EPHA6: variants seen among roughly 807,000 people sequenced by gnomAD.
The protein encoded by EPHA6 is EPH receptor A6.
EPHA6 carries 50 observed loss-of-function variants against 112.0 expected under a neutral mutation model. The observed-to-expected ratio is 0.45, with a 90% CI of 0.36 to 0.56. The LOEUF (loss-of-function observed/expected upper bound fraction) is 0.56. Ranked by LOEUF, EPHA6 falls within the 20% of genes least tolerant of loss-of-function variation. The pLI, the probability that EPHA6 is intolerant of heterozygous loss-of-function variation, is 0.00. For missense variants in EPHA6, 1,280 were observed against 1,417.4 expected (o/e 0.90, Z 1.56); for synonymous variants, 529 against 490.7 (o/e 1.08, Z -1.03).
chr3:97,483,671 A>G (rs1373064650), intron 9 of EPHA6, among the ~76,000 whole-genome samples: 1 of 152,220 alleles, frequency 6.6e-6, no homozygotes, highest in Non-Finnish European at 1.5e-5. Flanking sequence ...TAAACATTTT[A>G]TAGAAATATG....
chr3:97,427,748 AC>A lies in EPHA6; in HGVS notation c.1732-20819del, dbSNP rs1390111699. On this transcript the variant is annotated intron_variant, in intron 6 of 17. Transcript: ENST00000389672. ...TATGATGCAGCCATTAAAAAAAACAACAAAACCATGTCCTTTGCAGCAACAG... is the reference window on the plus strand; with the variant it reads ...TATGATGCAGCCATTAAAAAAAACAAAAAACCATGTCCTTTGCAGCAACAG... Among the ~76,000 whole-genome samples the A allele has an allele frequency of 2.9e-4, 44 of 152,246 alleles. 1 individual carries two copies.
Position 97,592,594 on chromosome 3 carries a change from A to G in EPHA6, c.2387-18A>G, listed in dbSNP as rs994667367. 7 of 1,612,640 alleles carry G rather than the reference A, an allele frequency of 4.3e-6. No homozygotes were observed. The African/African-American group carries it at 5.3e-5, about 12-fold the overall frequency. ...ATAAAGAAGACTTTGATTAATGTCA[A>G]TTTTTATCTCTTAAAAGGATCCTTC... On this transcript the variant is annotated intron_variant, in intron 11 of 17. Coordinates refer to ENST00000389672, the MANE Select transcript of EPHA6 (RefSeq NM_001080448.3).
chr3:96,841,046 G>A (rs943035148), intron 1 of EPHA6, among the ~76,000 whole-genome samples: 2 of 152,012 alleles, frequency 1.3e-5, no homozygotes, highest in African/African-American at 2.4e-5. Context: ...GATGATGTGT[G>A]CCCAAGGTGG....
chr3:97,218,707 C>T (rs531930013), intron 3 of EPHA6, among the ~76,000 whole-genome samples: 58 of 152,116 alleles, frequency 3.8e-4, no homozygotes, highest in Non-Finnish European at 8.2e-4. Flanking sequence ...CCTGGCCCCA[C>T]CCAAATATCA....
intron 6 of EPHA6, among the ~76,000 whole-genome samples, chr3:97,421,396 A>G (rs1220461441): frequency 6.6e-6 from 1 of 152,176 alleles, no homozygotes; most frequent in African/African-American, 2.4e-5. Flanking sequence ...AGTTAAATTT[A>G]CAATAGCAAC....
intron 4 of EPHA6, among the ~76,000 whole-genome samples, chr3:97,228,854 G>A (rs1384501814): frequency 6.6e-6 from 1 of 152,046 alleles, no homozygotes; most frequent in Admixed American, 6.6e-5. Flanking sequence ...GTAAGTGTTT[G>A]CTTTTCACCA....
At chr3:96,962,446 G>A (rs2041979364) in intron 2 of EPHA6, among the ~76,000 whole-genome samples, 1 of 150,140 alleles carries the variant, frequency 6.7e-6, no homozygotes, top group East Asian at 2.0e-4. Flanking sequence ...GAATAACAAT[G>A]ATGATCTTCA....
chr3:97,677,868 G>A (rs376796452), intron 14 of EPHA6, among the ~76,000 whole-genome samples: 89 of 152,146 alleles, frequency 5.8e-4, no homozygotes, highest in African/African-American at 2.0e-3. Context: ...GAAAAGAAGA[G>A]GAGTTAAAAG....
intron 14 of EPHA6, among the ~76,000 whole-genome samples, chr3:97,662,843 A>T (rs892591763): frequency 2.6e-5 from 4 of 152,198 alleles, no homozygotes; most frequent in African/African-American, 9.6e-5. Context: ...GGCTTTTCAT[A>T]TCTCTTTACC....
At chr3:97,246,538 C>T (rs1474931939) in intron 5 of EPHA6, among the ~76,000 whole-genome samples, 2 of 151,524 alleles carry the variant, frequency 1.3e-5, no homozygotes, top group Non-Finnish European at 1.5e-5. Flanking sequence ...ACTATATATT[C>T]TGGAAGGATA....
At chr3:97,134,838 G>A (rs943944497) in intron 3 of EPHA6, among the ~76,000 whole-genome samples, 6 of 151,780 alleles carry the variant, frequency 4.0e-5, no homozygotes, top group Admixed American at 6.6e-5. Flanking sequence ...GAATAGATGC[G>A]AGATATGACA....
intron 2 of EPHA6, among the ~76,000 whole-genome samples, chr3:96,969,623 C>T (rs1302117220): frequency 1.3e-5 from 2 of 151,984 alleles, no homozygotes; most frequent in African/African-American, 2.4e-5. Flanking sequence ...TTAAATGGTT[C>T]TCTGCAAATT....
At chr3:97,346,264 G>T (rs924548223) in intron 5 of EPHA6, among the ~76,000 whole-genome samples, 1 of 152,028 alleles carries the variant, frequency 6.6e-6, no homozygotes, top group Admixed American at 6.6e-5. Flanking sequence ...ACAAAATTAA[G>T]TTCCTCTCAA....
intron 3 of EPHA6, among the ~76,000 whole-genome samples, chr3:97,166,271 T>C (rs191101727): frequency 2.0e-5 from 3 of 152,224 alleles, no homozygotes; most frequent in African/African-American, 7.2e-5. Flanking sequence ...AAAATACCTT[T>C]ATAGTTTTTA....
chr3:97,131,507 G>C lies in EPHA6; in HGVS notation c.1115-94757G>C, dbSNP rs545730290. On this transcript the variant is annotated intron_variant, in intron 3 of 17. Coordinates refer to ENST00000389672, the MANE Select transcript of EPHA6 (RefSeq NM_001080448.3). Reference sequence around the variant, plus strand: ...TGTTAGTAAAAGAATAAACAAGTAAGTATGAGGTATTGGAAAAATCTGTGA... The same window carrying C: ...TGTTAGTAAAAGAATAAACAAGTAACTATGAGGTATTGGAAAAATCTGTGA... 3.3e-3 allele frequency among the ~76,000 whole-genome samples: 497 copies of C among 152,216 alleles called. 7 individuals are homozygous for C. The highest frequency in any genetic ancestry group is 6.0e-3 in the South Asian group (29 of 4,826).
chr3:97,454,514 T>G (rs1199507611), intron 7 of EPHA6, among the ~76,000 whole-genome samples: 3 of 151,766 alleles, frequency 2.0e-5, no homozygotes. Context: ...AATCAGATAA[T>G]TTTATTTGCC....
intron 2 of EPHA6, among the ~76,000 whole-genome samples, chr3:96,874,533 T>C (rs2036831812): frequency 6.6e-6 from 1 of 152,140 alleles, no homozygotes; most frequent in East Asian, 1.9e-4. Context: ...TTTGAAATGA[T>C]AGAGTACTTG....
intron 13 of EPHA6, among the ~76,000 whole-genome samples, chr3:97,631,490 T>C (rs2093902321): frequency 6.6e-6 from 1 of 152,078 alleles, no homozygotes. Flanking sequence ...TCTTTTTTTG[T>C]CATTTTGTTT....
intron 5 of EPHA6, among the ~76,000 whole-genome samples, chr3:97,248,757 A>G (rs1452064057): frequency 6.6e-6 from 1 of 152,072 alleles, no homozygotes; most frequent in East Asian, 1.9e-4. Context: ...TAACTAATTA[A>G]ACTGACATTG....
Sources: gnomAD v4.1 joint callset for allele counts (sites outside exome capture counted in the v4.1 genomes callset) on GRCh38, gnomAD v4.1.1 for gene constraint, MANE v1.5 for transcripts, NCBI Gene and HGNC (gene_info 2026-07-23, HGNC 2026-07-21) for gene names.